CFAP47: variants seen among roughly 807,000 people sequenced by gnomAD.
CFAP47 encodes cilia- and flagella-associated protein 47.
A neutral mutation model predicts 148.1 loss-of-function variants in CFAP47; 29 were observed. The ratio of observed to expected loss-of-function variants is 0.20; its 90% CI spans 0.15 to 0.27. The LOEUF is 0.27. Ranked by LOEUF, CFAP47 falls within the 10% of genes least tolerant of loss-of-function variation. The pLI, the probability that CFAP47 is intolerant of heterozygous loss-of-function variation, is 1.00. For missense variants in CFAP47, 1,872 were observed against 1,697.5 expected (o/e 1.10, Z -1.81); for synonymous variants, 664 against 577.3 (o/e 1.15, Z -2.15).
chrX:36,171,854 T>C (rs1939584684), intron 39 of CFAP47, among the ~76,000 whole-genome samples: 1 of 110,188 alleles, frequency 9.1e-6, no homozygotes, highest in South Asian at 3.9e-4. Flanking sequence ...GGTAGCTTGA[T>C]GGGGATGGCA....
At chrX:36,102,493 G>A (rs1181639193) in intron 32 of CFAP47, among the ~76,000 whole-genome samples, 4 of 110,784 alleles carry the variant, frequency 3.6e-5, no homozygotes, top group East Asian at 2.8e-4. Context: ...TTTTACCACC[G>A]ATAATTTCAG....
intron 46 of CFAP47, among the ~76,000 whole-genome samples, chrX:36,234,542 T>A (rs1940424733): frequency 8.9e-6 from 1 of 111,910 alleles, no homozygotes; most frequent in Non-Finnish European, 1.9e-5. Context: ...GTTTTCAACT[T>A]CTTTGCCTTT....
chrX:36,384,113 G>A (rs1187598372), intron 63 of CFAP47, among the ~76,000 whole-genome samples: 1 of 110,906 alleles, frequency 9.0e-6, no homozygotes, highest in African/African-American at 3.3e-5. Context: ...GGCCAAGGAG[G>A]GTGGATGATC....
chrX:36,091,038 G>A (rs1938176066), intron 30 of CFAP47, among the ~76,000 whole-genome samples: 1 of 111,716 alleles, frequency 9.0e-6, no homozygotes, highest in Non-Finnish European at 1.9e-5. Context: ...CTACTGACAA[G>A]ACGTAAAATC....
intron 1 of CFAP47, among the ~76,000 whole-genome samples, chrX:35,924,598 C>T (rs1458847670): frequency 2.8e-5 from 3 of 107,103 alleles, no homozygotes; most frequent in African/African-American, 1.0e-4. Flanking sequence ...TACACACGTG[C>T]ATGTGGGTAT....
At chrX:35,986,024 C>T (rs1271370776) in intron 15 of CFAP47, 1 of 259,676 alleles carries the variant, frequency 3.9e-6, no homozygotes, top group African/African-American at 2.8e-5. Flanking sequence ...CCCATGGTCT[C>T]AGGTAGTAAG....
chrX:36,030,828 G>A (rs1937271389), intron 22 of CFAP47, among the ~76,000 whole-genome samples: 1 of 109,334 alleles, frequency 9.1e-6, no homozygotes, highest in Non-Finnish European at 1.9e-5. Context: ...GAGTTTTCTT[G>A]TTTTATCTAG....
At chrX:36,012,913 T>A (rs771292926) in intron 21 of CFAP47, among the ~76,000 whole-genome samples, 25 of 111,017 alleles carry the variant, frequency 2.3e-4, no homozygotes, top group Non-Finnish European at 5.7e-5. Context: ...TCAAGACAAC[T>A]GCTGAGTCAG....
In CFAP47 at chrX:36,071,961, C is replaced by G; in HGVS notation, c.4455C>G (p.Asn1485Lys). 2.5e-6 allele frequency: 3 copies of G among 1,203,241 alleles called. No homozygotes were observed. Residue 1485 changes from asparagine to lysine, a missense_variant, in exon 28 of 64, where the codon AAC (asparagine) becomes AAG (lysine). Transcript: ENST00000378653. ...KFNDAEPAKG[N>K]LFIGVEVLPE... is the part of the protein sequence containing the mutation. Reference sequence around the variant, plus strand: ...ATGATGCTGAACCTGCAAAGGGAAACTTATTTATTGGTATGTAGCAAATAT... The same window carrying G: ...ATGATGCTGAACCTGCAAAGGGAAAGTTATTTATTGGTATGTAGCAAATAT...
intron 2 of CFAP47, among the ~76,000 whole-genome samples, chrX:35,937,924 G>A (rs1935942019): frequency 9.0e-6 from 1 of 111,509 alleles, no homozygotes; most frequent in African/African-American, 3.3e-5. Flanking sequence ...CATCAACCTG[G>A]ACTTCCAAAG....
At chrX:36,025,132 A>G (rs926029308) in intron 22 of CFAP47, among the ~76,000 whole-genome samples, 3 of 111,741 alleles carry the variant, frequency 2.7e-5, no homozygotes, top group African/African-American at 9.8e-5. Flanking sequence ...TCTTGTTAAT[A>G]TAAATATTGT....
intron 39 of CFAP47, among the ~76,000 whole-genome samples, chrX:36,175,684 G>C (rs938917086): frequency 8.9e-6 from 1 of 112,018 alleles, no homozygotes; most frequent in African/African-American, 3.2e-5. Flanking sequence ...CTTGCTGGGA[G>C]AACCACTGTT....
chrX:36,169,745 G>A (rs1939542214), intron 39 of CFAP47, among the ~76,000 whole-genome samples: 1 of 110,593 alleles, frequency 9.0e-6, no homozygotes, highest in South Asian at 3.8e-4. Flanking sequence ...CCAACACATG[G>A]GCATCTTTTC....
Position 36,190,100 on chromosome X carries a change from T to A in CFAP47, c.6225T>A (p.Val2075=), listed in dbSNP as rs1277960704. ...AGTTCTTCTGCTCCATGCATACTGT[T>A]CACCTGGGAGTGAAAGGAACTTCAA... ...IREFFCSMHT[V]HLGVKGTSSL... The change falls in exon 42 of 64, where the codon GTT becomes GTA. Residue 2075 remains valine, a synonymous_variant. Coordinates refer to ENST00000378653, the MANE Select transcript of CFAP47 (RefSeq NM_001304548.2). 3.4e-6 allele frequency: 1 copy of A among 296,813 alleles called. No homozygotes were observed. The highest frequency in any genetic ancestry group is 5.9e-6 in the Non-Finnish European group (1 of 170,109). The allele number at this position is 296,813 out of a possible 1,213,427, so 24.5% of individuals were successfully genotyped here.
At chrX:35,955,555 T>C (rs190666569) in intron 7 of CFAP47, among the ~76,000 whole-genome samples, 144 of 111,780 alleles carry the variant, frequency 1.3e-3, no homozygotes, top group Non-Finnish European at 4.9e-4. Flanking sequence ...AGACTCCCTT[T>C]ATATCTTGGC....
intron 3 of CFAP47, among the ~76,000 whole-genome samples, chrX:35,942,727 T>G (rs149344410): frequency 0.016 from 1,741 of 111,833 alleles, 37 homozygotes; most frequent in African/African-American, 0.054. Flanking sequence ...TCATTTCATA[T>G]GAAAACTCTC....
At chrX:36,155,405 A>G (rs1939355340) in intron 37 of CFAP47, among the ~76,000 whole-genome samples, 1 of 111,873 alleles carries the variant, frequency 8.9e-6, no homozygotes, top group African/African-American at 3.2e-5. Context: ...CATTAGGGTG[A>G]AAAACCATTC....
At chrX:36,170,594 A>G (rs1005042900) in intron 39 of CFAP47, among the ~76,000 whole-genome samples, 4 of 109,819 alleles carry the variant, frequency 3.6e-5, no homozygotes, top group Non-Finnish European at 7.6e-5. Context: ...ATGATTTCCA[A>G]TTTCATCCAT....
chrX:35,960,512 C>T (rs1936316177), intron 8 of CFAP47, among the ~76,000 whole-genome samples: 1 of 108,745 alleles, frequency 9.2e-6, no homozygotes, highest in African/African-American at 3.4e-5. Flanking sequence ...GATTGTATGC[C>T]TTTACACTTA....
Sources: allele counts gnomAD v4.1 joint callset (sites outside exome capture counted in the v4.1 genomes callset), GRCh38; gene constraint gnomAD v4.1.1; transcripts MANE v1.5; gene names NCBI Gene and HGNC (gene_info 2026-07-23, HGNC 2026-07-21).